Variants in PLA2G4D observed in about 807,000 individuals in gnomAD.
PLA2G4D encodes the protein cytosolic phospholipase A2 delta.
In PLA2G4D, 80 loss-of-function variants were observed where a neutral mutation model predicts 94.4. The ratio of observed to expected loss-of-function variants is 0.85; its 90% CI spans 0.71 to 1.02. The LOEUF is 1.02. Among genes scored for constraint, PLA2G4D ranks in the 50% least tolerant of loss-of-function variants. PLA2G4D has a pLI of 0.00. For missense variants in PLA2G4D, 1,050 were observed against 1,034.7 expected, an observed-to-expected ratio of 1.01 and a Z score of -0.20; for synonymous variants, 438 against 440.9, an observed-to-expected ratio of 0.99 and a Z score of 0.08.
Position 42,075,103 on chromosome 15 carries a change from T to C in PLA2G4D, c.1318-2711A>G, listed in dbSNP as rs146894446. ...CATGCCCAGCTAATTTTTTAACTTT[T>C]TGTAGAGATGGGGTCTCACTATGTT... On this transcript the variant is annotated intron_variant, in intron 13 of 19. Transcript: ENST00000290472. Among the ~76,000 whole-genome samples the C allele has an allele frequency of 8.7e-3, 1,326 of 152,324 alleles. 15 individuals carry two copies. The highest frequency in any genetic ancestry group is 0.031 in the African/African-American group (1,276 of 41,560).
At position 42,068,579 on chromosome 15, in the gene PLA2G4D, GCAGTGAGAC is replaced by G; in HGVS notation, c.*127_*135del. On this transcript the variant is annotated 3_prime_UTR_variant, in exon 20 of 20. Coordinates refer to ENST00000290472, the MANE Select transcript of PLA2G4D (RefSeq NM_178034.4). ...AGTCTGTGTGTGCAGTTCCCTCTGG[GCAGTGAGAC>G]CAGCTACAGAGGCCACCCAGGCCTG... 1 of 735,810 alleles carries G rather than the reference GCAGTGAGAC, an allele frequency of 1.4e-6. No individual in the cohort carries two copies. The highest frequency in any genetic ancestry group is 2.2e-6 in the Non-Finnish European group (1 of 456,546). The allele number at this position is 735,810 out of a possible 1,614,324, so 45.6% of individuals were successfully genotyped here. A position where few individuals can be genotyped will look rare whatever the true frequency, so the allele number is the denominator to read the frequency against.
At chr15:42,083,596 T>C in intron 7 of PLA2G4D, 120 bp downstream of exon 7, 1 of 1,279,844 alleles carries the variant, frequency 7.8e-7, no homozygotes, top group South Asian at 1.3e-5. Context: ...GCCATGTGGG[T>C]GAGAAGAGAG....
chr15:42,074,752 T>A (rs940394517), intron 13 of PLA2G4D, among the ~76,000 whole-genome samples: 1 of 152,232 alleles, frequency 6.6e-6, no homozygotes, highest in Non-Finnish European at 1.5e-5. Context: ...AATAAATACC[T>A]GTTTTTATCT....
rs750309316 is a variant in PLA2G4D, at chr15:42,083,323, G to A, written c.547C>T (p.Leu183=). ...CCCTTCAGCACCAGCTCCAGCTCCA[G>A]CTTGTCCTGATCTAGGGAGAGAGTA... ...STAVVADQDK[L]ELELVLKGSY... is the part of the protein sequence containing the mutation. The change falls in exon 8 of 20, where the codon CTG becomes TTG. Residue 183 remains leucine, a synonymous_variant. Transcript: ENST00000290472. 2 of 1,613,608 alleles carry A rather than the reference G, an allele frequency of 1.2e-6. No individual in the cohort carries two copies. The highest frequency in any genetic ancestry group is 1.7e-6 in the Non-Finnish European group (2 of 1,179,810).
At chr15:42,071,753 C>T (rs773023510) in intron 15 of PLA2G4D, 21 bp downstream of exon 15, 4 of 1,613,462 alleles carry the variant, frequency 2.5e-6, no homozygotes, top group Admixed American at 1.7e-5. Flanking sequence ...TGCCCAGGGC[C>T]TTCAGAGCCA....
At chr15:42,085,194 C>T (rs959849743) in intron 5 of PLA2G4D, 56 bp from the exon 6 acceptor site, 17 of 1,602,718 alleles carry the variant, frequency 1.1e-5, no homozygotes, top group South Asian at 9.9e-5. Context: ...CTCCCGCTCC[C>T]GCCCATGTGG....
Position 42,094,548 on chromosome 15 carries a change from G to C in PLA2G4D, c.-89C>G. 6.7e-7 allele frequency: 1 copy of C among 1,503,622 alleles called. No homozygotes were observed. Among genetic ancestry groups the C allele is most frequent in the Admixed American group, 1.7e-5 (1 of 57,390 alleles). 93.1% of individuals were successfully genotyped at this position (1,503,622 alleles called of 1,614,324 possible). ...GGCAGCGACGGTCCCAGTGGGATAG[G>C]ACCAGCATGAATCTGCCAGCCTTCA... On this transcript the variant is annotated 5_prime_UTR_variant, in exon 1 of 20. Coordinates refer to ENST00000290472, the MANE Select transcript of PLA2G4D (RefSeq NM_178034.4).
chr15:42,087,164 C>T, intron 3 of PLA2G4D, 136 bp downstream of exon 3: 2 of 1,151,316 alleles, frequency 1.7e-6, no homozygotes, highest in Non-Finnish European at 2.5e-6. Context: ...ACAGCACAGA[C>T]AGGCCAGGGC....
Position 42,084,089 on chromosome 15 carries a change from C to T in PLA2G4D, c.472-310G>A. 2.8e-6 allele frequency: 1 copy of T among 359,752 alleles called. No individual in the cohort carries two copies. Among genetic ancestry groups the T allele is most frequent in the Non-Finnish European group, 5.2e-6 (1 of 194,076 alleles). 22.3% of individuals were successfully genotyped at this position (359,752 alleles called of 1,614,324 possible). A position where few individuals can be genotyped will look rare whatever the true frequency, so the allele number is the denominator to read the frequency against. On this transcript the variant is annotated intron_variant, in intron 6 of 19. Coordinates refer to ENST00000290472, the MANE Select transcript of PLA2G4D (RefSeq NM_178034.4). This position sits in a 1 kb window ranked among gnomAD's most constrained non-coding sequence, Gnocchi z 4.8. ...CACAGCTGTTTCTTCTCTTGTTTCC[C>T]TGTGGCTTGGAGCTGGAGGAGGTAT... is the stretch of plus-strand genomic sequence containing the variant.
intron 1 of PLA2G4D, among the ~76,000 whole-genome samples, chr15:42,090,899 A>G (rs1566866730): frequency 6.6e-6 from 1 of 152,206 alleles, no homozygotes; most frequent in Non-Finnish European, 1.5e-5. Context: ...CATCTCCACC[A>G]ATGAACTGAC....
intron 1 of PLA2G4D, among the ~76,000 whole-genome samples, chr15:42,088,992 C>A (rs1206876715): frequency 6.6e-6 from 1 of 152,208 alleles, no homozygotes; most frequent in Non-Finnish European, 1.5e-5. Flanking sequence ...GAAAAAAACC[C>A]GTGCTGGGGC....
intron 12 of PLA2G4D, 92 bp from the exon 13 acceptor site, chr15:42,079,851 C>T (rs1890003669): frequency 4.7e-6 from 6 of 1,276,902 alleles, no homozygotes; most frequent in Non-Finnish European, 6.5e-6. Context: ...TCTCCTGACA[C>T]GTGGCTCCTG....
Position 42,083,729 on chromosome 15 carries a change from GGTGCTCCCT to G in PLA2G4D, c.513_521del (p.Gly172_Thr174del), listed in dbSNP as rs770196966. 1.2e-6 allele frequency: 2 copies of G among 1,613,900 alleles called. No homozygotes were observed. Among genetic ancestry groups the G allele is most frequent in the East Asian group, 4.5e-5 (2 of 44,890 alleles). ...AGCTGGTCTCACCTGCAACCACAGC[GGTGCTCCCT>G]GTGCTGTCCAGATGCACATCCAGGC... On this transcript the variant is annotated inframe_deletion, in exon 7 of 20. Coordinates refer to ENST00000290472, the MANE Select transcript of PLA2G4D (RefSeq NM_178034.4).
chr15:42,087,150 G>T (rs1015846792), intron 3 of PLA2G4D, 150 bp downstream of exon 3: 3 of 1,023,918 alleles, frequency 2.9e-6, no homozygotes, highest in African/African-American at 3.2e-5. Context: ...ACATTCCCTT[G>T]CACACAGCAC....
At chr15:42,074,676 A>T (rs1889885105) in intron 13 of PLA2G4D, among the ~76,000 whole-genome samples, 1 of 152,180 alleles carries the variant, frequency 6.6e-6, no homozygotes, top group South Asian at 2.1e-4. Flanking sequence ...ATTGGTCATA[A>T]ATGGAGTTAT....
intron 1 of PLA2G4D, among the ~76,000 whole-genome samples, chr15:42,092,307 A>G (rs780198881): frequency 9.9e-5 from 15 of 152,210 alleles, no homozygotes; most frequent in Non-Finnish European, 1.9e-4. Flanking sequence ...CTTCCAGGCC[A>G]GAGCTCACAA....
intron 13 of PLA2G4D, 88 bp downstream of exon 13, chr15:42,079,449 T>G: frequency 3.1e-6 from 4 of 1,295,090 alleles, no homozygotes; most frequent in Admixed American, 2.5e-5. Context: ...CTGCAAGAAA[T>G]ACGCACGCGC....
In PLA2G4D at chr15:42,086,194, T is replaced by TGGGGGGGGGGGGGGGGCCGCC; in HGVS notation, c.387+18_387+19insGGCGGCCCCCCCCCCCCCCCC. The TGGGGGGGGGGGGGGGGCCGCC allele has an allele frequency of 7.3e-7, 1 of 1,370,444 alleles. No individual in the cohort carries two copies. Among genetic ancestry groups the TGGGGGGGGGGGGGGGGCCGCC allele is most frequent in the Non-Finnish European group, 9.6e-7 (1 of 1,043,084 alleles). The allele number at this position is 1,370,444 out of a possible 1,614,324, so 84.9% of individuals were successfully genotyped here. A position where few individuals can be genotyped will look rare whatever the true frequency, so the allele number is the denominator to read the frequency against. On this transcript the variant is annotated intron_variant, in intron 4 of 19. Transcript: ENST00000290472. ...GGAAGAAGTGGGGCCCACGGGGACT[T>TGGGGGGGGGGGGGGGGCCGCC]CCCCACCCACCCACCCACCTGGGGA...
intron 3 of PLA2G4D, 109 bp from the exon 4 acceptor site, chr15:42,086,453 C>G: frequency 1.9e-6 from 2 of 1,029,020 alleles, no homozygotes; most frequent in South Asian, 1.4e-5. Context: ...CATTATGCCA[C>G]CACACGTCTG....
Sources: allele counts gnomAD v4.1 joint callset (sites outside exome capture counted in the v4.1 genomes callset), GRCh38; gene constraint gnomAD v4.1.1; non-coding constraint Gnocchi (gnomAD v3.1); transcripts MANE v1.5; gene names NCBI Gene and HGNC (gene_info 2026-07-23, HGNC 2026-07-21).